ERGIC1: variants seen among roughly 807,000 people sequenced by gnomAD.
ERGIC1 encodes the protein endoplasmic reticulum-Golgi intermediate compartment protein 1.
Under a neutral mutation model 38.3 loss-of-function variants are expected in ERGIC1, and 19 were observed. The observed-to-expected ratio is 0.50, with a 90% confidence interval of 0.35 to 0.73. The LOEUF (loss-of-function observed/expected upper bound fraction) is 0.73, where lower values mean the gene tolerates loss of function less well. ERGIC1 is among the 30% of genes least tolerant of loss of function. The pLI, the probability that ERGIC1 is intolerant of heterozygous loss-of-function variation, is 0.01. For missense variants in ERGIC1, 294 were observed against 389.2 expected, an observed-to-expected ratio of 0.76 and a Z score of 2.06; for synonymous variants, 124 against 157.6, an observed-to-expected ratio of 0.79 and a Z score of 1.60.
chr5:172,937,661 C>T (rs1763916591), intron 9 of ERGIC1: 1 of 151,392 alleles, frequency 6.6e-6, no homozygotes, highest in Non-Finnish European at 1.5e-5. Context: ...CAGTGAGACC[C>T]GGTCTCAGAA....
At chr5:172,914,872 C>T in intron 5 of ERGIC1, 34 bp downstream of exon 5, 1 of 1,613,576 alleles carries the variant, frequency 6.2e-7, no homozygotes, top group Non-Finnish European at 8.5e-7. Flanking sequence ...TTTCTACCTG[C>T]TCCCCTTTCC....
chr5:172,930,982 A>C (rs1763764556), intron 7 of ERGIC1: 1 of 152,194 alleles, frequency 6.6e-6, no homozygotes. Flanking sequence ...GAACCTACTC[A>C]AAACAATTCA....
intron 3 of ERGIC1, chr5:172,905,355 G>T (rs914552145): frequency 1.2e-5 from 5 of 430,022 alleles, no homozygotes; most frequent in South Asian, 4.9e-5. Context: ...TGAAGGCCAG[G>T]CAGAGCATTT....
rs1561721724 is a variant in ERGIC1 at position 172,893,888 on chromosome 5, T to C, written c.83-3114T>C. On this transcript the variant is annotated intron_variant, in intron 2 of 9. Transcript: ENST00000393784. ...AGGGGGATATATATATATATATATATATATATATATATATATATGTGTGTG... is the reference window on the plus strand; with the variant it reads ...AGGGGGATATATATATATATATATACATATATATATATATATATGTGTGTG... Among the ~76,000 whole-genome samples the C allele has an allele frequency of 2.7e-4, 5 of 18,596 alleles. 1 individual carries two copies. Among genetic ancestry groups the C allele is most frequent in the Non-Finnish European group, 6.8e-4 (5 of 7,308 alleles). The allele number at this position is 18,596 out of a possible 152,430, so 12.2% of individuals were successfully genotyped here. A position where few individuals can be genotyped will look rare whatever the true frequency, so the allele number is the denominator to read the frequency against.
intron 7 of ERGIC1, among the ~76,000 whole-genome samples, chr5:172,928,092 T>C (rs540258610): frequency 1.3e-5 from 2 of 152,292 alleles, no homozygotes; most frequent in South Asian, 4.1e-4. Context: ...TGTCGTTTTG[T>C]GTCATGGTAA....
intron 1 of ERGIC1, among the ~76,000 whole-genome samples, chr5:172,873,401 AG>A (rs1762066750): frequency 6.6e-6 from 1 of 152,136 alleles, no homozygotes; most frequent in South Asian, 2.1e-4. Flanking sequence ...TGTCTGTTGC[AG>A]GTTGGGGAGG....
At chr5:172,866,404 T>C (rs1365941750) in intron 1 of ERGIC1, among the ~76,000 whole-genome samples, 1 of 152,178 alleles carries the variant, frequency 6.6e-6, no homozygotes, top group Non-Finnish European at 1.5e-5. Context: ...CCTAATTTCC[T>C]GTGTCCACTG....
chr5:172,934,132 A>C (rs993745987), intron 8 of ERGIC1: 1 of 152,158 alleles, frequency 6.6e-6, no homozygotes, highest in African/African-American at 2.4e-5. Context: ...CTGCAGCCGC[A>C]CTCTGCCCTG....
Position 172,924,086 on chromosome 5 carries a change from C to T in ERGIC1, c.457C>T (p.Leu153Phe). 6.2e-7 allele frequency: 1 copy of T among 1,614,192 alleles called. No individual in the cohort carries two copies. Among genetic ancestry groups the T allele is most frequent in the African/African-American group, 1.3e-5 (1 of 75,070 alleles). ...AGACATGACGCATGTCATCCACAAGCTCTCCTTTGGGGACACGCTACAGGT... is the reference window on the plus strand; with the variant it reads ...AGACATGACGCATGTCATCCACAAGTTCTCCTTTGGGGACACGCTACAGGT... ...NPDMTHVIHK[L>F]SFGDTLQVQN... The change falls in exon 6 of 10, where the codon CTC (leucine) becomes TTC (phenylalanine). Residue 153 changes from leucine to phenylalanine, a missense_variant. Physicochemically the swap from Leu to Phe is conservative, Grantham distance 22. Around this residue, in one of 3 missense-constraint regions of ERGIC1, gnomAD observed 163 missense variants for 225.8 expected, o/e 0.72. Coordinates refer to ENST00000393784, the MANE Select transcript of ERGIC1 (RefSeq NM_001031711.3).
Position 172,909,722 on chromosome 5 carries a change from G to A in ERGIC1, c.211G>A (p.Val71Ile), listed in dbSNP as rs751302716. 6.8e-6 allele frequency: 11 copies of A among 1,614,048 alleles called. No homozygotes were observed. The highest frequency in any genetic ancestry group is 5.5e-5 in the South Asian group (5 of 91,090). The change falls in exon 4 of 10, where the codon GTC (valine) becomes ATC (isoleucine). Residue 71 changes from valine to isoleucine, a missense_variant. This residue lies in a region of ERGIC1 where 163 missense variants were observed against 225.8 expected (regional missense o/e 0.72). Coordinates refer to ENST00000393784, the MANE Select transcript of ERGIC1 (RefSeq NM_001031711.3). ...CAAGGACAGCGGTGGCAAGATCGACGTCAGTCTGAACATCAGTTTACCCAA... is the reference window on the plus strand; with the variant it reads ...CAAGGACAGCGGTGGCAAGATCGACATCAGTCTGAACATCAGTTTACCCAA... ...PDKDSGGKIDVSLNISLPNLH... is the reference protein window; with the variant it reads ...PDKDSGGKIDISLNISLPNLH...
intron 1 of ERGIC1, among the ~76,000 whole-genome samples, chr5:172,835,627 G>A (rs77810110): frequency 0.011 from 1,637 of 152,288 alleles, 17 homozygotes; most frequent in Non-Finnish European, 0.017. Context: ...GCATGTGAAG[G>A]CAGTGTAAAG....
intron 9 of ERGIC1, among the ~76,000 whole-genome samples, chr5:172,940,404 C>A (rs762083647): frequency 3.9e-5 from 6 of 152,126 alleles, no homozygotes; most frequent in Admixed American, 1.3e-4. Context: ...GCAAGTAATC[C>A]CCTCCAAAGT....
At chr5:172,859,669 C>A (rs1047323651) in intron 1 of ERGIC1, among the ~76,000 whole-genome samples, 5 of 152,242 alleles carry the variant, frequency 3.3e-5, no homozygotes, top group African/African-American at 9.6e-5. Context: ...CTGGAGCCCT[C>A]CGTAGCCCTC....
intron 1 of ERGIC1, among the ~76,000 whole-genome samples, chr5:172,863,231 G>A (rs1319686924): frequency 6.6e-6 from 1 of 152,200 alleles, no homozygotes; most frequent in Non-Finnish European, 1.5e-5. Flanking sequence ...GATTACAGGC[G>A]TGAGCCATCG....
intron 4 of ERGIC1, among the ~76,000 whole-genome samples, chr5:172,912,843 A>C (rs1372006397): frequency 6.7e-6 from 1 of 149,752 alleles, no homozygotes; most frequent in Non-Finnish European, 1.5e-5. Context: ...ATCTCAGCTC[A>C]CTGCAACCTC....
At chr5:172,875,732 C>CTT (rs1762127943) in intron 1 of ERGIC1, among the ~76,000 whole-genome samples, 2 of 152,156 alleles carry the variant, frequency 1.3e-5, no homozygotes, top group Non-Finnish European at 2.9e-5. Context: ...TAACAGATTA[C>CTT]AGTCATGAGC....
chr5:172,863,506 G>C (rs1332991093), intron 1 of ERGIC1, among the ~76,000 whole-genome samples: 3 of 152,134 alleles, frequency 2.0e-5, no homozygotes, highest in Non-Finnish European at 4.4e-5. Context: ...CCTTGGGCGC[G>C]ATCAGCCGCA....
At chr5:172,922,888 G>T (rs1032686205) in intron 5 of ERGIC1, among the ~76,000 whole-genome samples, 1 of 152,242 alleles carries the variant, frequency 6.6e-6, no homozygotes, top group Admixed American at 6.5e-5. Flanking sequence ...GAAGCTGGGA[G>T]CCCAGGGAGG....
At chr5:172,850,843 C>T (rs1761384756) in intron 1 of ERGIC1, among the ~76,000 whole-genome samples, 1 of 152,118 alleles carries the variant, frequency 6.6e-6, no homozygotes, top group African/African-American at 2.4e-5. Context: ...TTATTTGGCC[C>T]TCACATTTTT....
Sources: gnomAD v4.1 joint callset for allele counts (sites outside exome capture counted in the v4.1 genomes callset) on GRCh38, gnomAD v4.1.1 for gene constraint, gnomAD v4.1.1 regional missense constraint, MANE v1.5 for transcripts, NCBI Gene and HGNC (gene_info 2026-07-23, HGNC 2026-07-21) for gene names.